The following SULT2A1 variants were observed in gnomAD, a reference collection of about 807,000 sequenced individuals.
SULT2A1 encodes sulfotransferase family 2A member 1, also known as sulfotransferase 2A1.
SULT2A1 carries 43 observed loss-of-function variants against 33.9 expected under a neutral mutation model. The ratio of observed to expected loss-of-function variants is 1.27; its 90% CI spans 1.00 to 1.64. The LOEUF (loss-of-function observed/expected upper bound fraction) is 1.64. Among genes scored for constraint, SULT2A1 ranks in the 40% most tolerant of loss-of-function variants. The pLI is 0.00. For missense variants in SULT2A1, 300 were observed against 335.1 expected (o/e 0.90, Z 0.82); for synonymous variants, 125 against 113.6 (o/e 1.10, Z -0.64).
At chr19:47,873,145 T>C (rs1968508875) in intron 5 of SULT2A1, among the ~76,000 whole-genome samples, 1 of 152,002 alleles carries the variant, frequency 6.6e-6, no homozygotes, top group African/African-American at 2.4e-5. Context: ...GTCCCAGATG[T>C]ATTAGAACTG....
chr19:47,872,158 T>C (rs1427382924), intron 5 of SULT2A1, among the ~76,000 whole-genome samples: 3 of 152,190 alleles, frequency 2.0e-5, no homozygotes, highest in Non-Finnish European at 4.4e-5. Flanking sequence ...CCTCAGGTGA[T>C]CCGCCCGCCT....
chr19:47,875,603 A>T (rs62531047), intron 4 of SULT2A1, among the ~76,000 whole-genome samples: 3,004 of 152,168 alleles, frequency 0.02, 86 homozygotes, highest in African/African-American at 0.069. Context: ...GCACCACTGT[A>T]CTCCAGCCTG....
rs1968491064 is a variant in SULT2A1, at chr19:47,871,403, G to A, written c.*52C>T. The A allele has an allele frequency of 7.4e-7, 1 of 1,343,752 alleles. No homozygotes were observed. The highest frequency in any genetic ancestry group is 1.1e-6 in the Non-Finnish European group (1 of 934,140). The allele number at this position is 1,343,752 out of a possible 1,614,324, so 83.2% of individuals were successfully genotyped here. On this transcript the variant is annotated 3_prime_UTR_variant, in exon 6 of 6. Transcript: ENST00000222002. ...TGACCCCAGTCAGGTACATGTACAA[G>A]GACAGGAGAATCAATGTCATTCTCC...
chr19:47,881,989 C>A, intron 3 of SULT2A1, 95 bp downstream of exon 3: 37 of 1,543,752 alleles, frequency 2.4e-5, no homozygotes, highest in Non-Finnish European at 3.2e-5. Flanking sequence ...AGCCTTTCAA[C>A]CCATGGGTTG....
chr19:47,874,675 C>T lies in SULT2A1; in HGVS notation c.727G>A (p.Ala243Thr). ...LLSVDYVVDK[A>T]QLLRKGVSGD... ...CTTTTACCTTTTCTCAGAAGTTGTG[C>T]TTTGTCCACTACATAATCAACACTC... Residue 243 changes from alanine (A) to threonine (T), a missense_variant, in exon 5 of 6, where the codon GCA becomes ACA. Ala to Thr is a moderately conservative substitution (Grantham distance 58). Coordinates refer to ENST00000222002, the MANE Select transcript of SULT2A1 (RefSeq NM_003167.4). 1.2e-6 allele frequency: 2 copies of T among 1,612,520 alleles called. No individual in the cohort carries two copies. Among genetic ancestry groups the T allele is most frequent in the East Asian group, 2.2e-5 (1 of 44,828 alleles).
intron 4 of SULT2A1, among the ~76,000 whole-genome samples, chr19:47,875,444 C>G (rs1039637088): frequency 3.3e-5 from 5 of 151,900 alleles, no homozygotes; most frequent in African/African-American, 1.2e-4. Context: ...TTTAGACCAG[C>G]CTGGGCGATA....
chr19:47,878,942 G>T, intron 4 of SULT2A1, 94 bp downstream of exon 4: 2 of 819,228 alleles, frequency 2.4e-6, no homozygotes, highest in Non-Finnish European at 2.1e-6. Flanking sequence ...TAACTGAGAG[G>T]GTGGAATGAA....
At chr19:47,871,791 GTA>G (rs1337910432) in intron 5 of SULT2A1, among the ~76,000 whole-genome samples, 1 of 152,058 alleles carries the variant, frequency 6.6e-6, no homozygotes, top group Admixed American at 6.6e-5. Context: ...AATAACGCCA[GTA>G]TATCATCTGA....
Position 47,882,124 on chromosome 19 carries a change from C to T in SULT2A1, c.432G>A (p.Lys144=). 1.2e-6 allele frequency: 2 copies of T among 1,614,008 alleles called. No homozygotes were observed. The highest frequency in any genetic ancestry group is 1.7e-6 in the Non-Finnish European group (2 of 1,179,996). ...WKNMKFIKKP[K]SWEEYFEWFC... is the part of the protein sequence containing the mutation. ...ACCATTCAAAATATTCTTCCCATGA[C>T]TTTGGTTTCTTAATAAACTTCATGT... The change falls in exon 3 of 6, where the codon AAG becomes AAA. Residue 144 remains lysine (K), a synonymous_variant. Transcript: ENST00000222002.
intron 4 of SULT2A1, among the ~76,000 whole-genome samples, chr19:47,876,592 A>G (rs62531012): frequency 1.8e-4 from 27 of 152,138 alleles, no homozygotes; most frequent in Admixed American, 1.7e-3. Context: ...CAACGTGGTG[A>G]AACCCCATCT....
At chr19:47,878,882 A>G (rs1968574472) in intron 4 of SULT2A1, among the ~76,000 whole-genome samples, 154 bp downstream of exon 4, 1 of 152,130 alleles carries the variant, frequency 6.6e-6, no homozygotes, top group Non-Finnish European at 1.5e-5. Flanking sequence ...AGGGCAATGA[A>G]GACCAGGGAG....
chr19:47,885,848 C>T (rs1320154292), intron 1 of SULT2A1, among the ~76,000 whole-genome samples: 2 of 152,138 alleles, frequency 1.3e-5, no homozygotes, highest in African/African-American at 4.8e-5. Flanking sequence ...CTCAGCCATC[C>T]TCCCTCCCAC....
chr19:47,886,145 A>C lies in SULT2A1; in HGVS notation c.113T>G (p.Ile38Arg), dbSNP rs1968654007. 6 of 1,614,040 alleles carry C rather than the reference A, an allele frequency of 3.7e-6. No individual in the cohort carries two copies. The highest frequency in any genetic ancestry group is 5.1e-6 in the Non-Finnish European group (6 of 1,179,984). Reference protein sequence around the residue: ...DEFVIRDEDVIILTYPKSGTN... With the variant: ...DEFVIRDEDVRILTYPKSGTN... Reference sequence around the variant, plus strand: ...ACCTGATTTGGGGTAAGTCAATATTATTACATCTTCATCCCTTATCACGAA... The same window carrying C: ...ACCTGATTTGGGGTAAGTCAATATTCTTACATCTTCATCCCTTATCACGAA... The change falls in exon 1 of 6, where the codon ATA becomes AGA. Residue 38 changes from isoleucine to arginine, a missense_variant. Physicochemically the swap from Ile to Arg is moderately conservative, Grantham distance 97. Transcript: ENST00000222002.
intron 1 of SULT2A1, among the ~76,000 whole-genome samples, chr19:47,884,328 C>T (rs1163628687): frequency 4.0e-5 from 6 of 151,276 alleles, no homozygotes; most frequent in East Asian, 4.0e-4. Context: ...CCCACCACCA[C>T]GTCTGGCTAA....
rs374538132 is a variant in SULT2A1 at position 47,873,785 on chromosome 19, G to A, written c.745+872C>T. ...ACCACAGGCACCCGCCACCATGCCC[G>A]GCTAATTTTTTGTATTTTTAGTGGA... On this transcript the variant is annotated intron_variant, in intron 5 of 5. Transcript: ENST00000222002. Among the ~76,000 whole-genome samples, 156 of 151,816 alleles carry A rather than the reference G, an allele frequency of 1.0e-3. 1 individual carries two copies. The East Asian group carries it at 0.02, about 19-fold the overall frequency.
rs774130328 is a variant in SULT2A1, at chr19:47,874,808, G to A, written c.594C>T (p.Ile198=). 71 of 1,613,964 alleles carry A rather than the reference G, an allele frequency of 4.4e-5. 1 individual carries two copies. Among genetic ancestry groups the A allele is most frequent in the Non-Finnish European group, 5.9e-5 (70 of 1,180,014 alleles). The stretch of plus-strand genomic sequence containing the variant: ...CTAACGTCTTTCCCAGGAATTGACA[G>A]ATCTTCTCTATGGTTCTTCCTGTGT... ...KQDTGRTIEK[I]CQFLGKTLEP... is the part of the protein sequence containing the mutation. Residue 198 remains isoleucine, a synonymous_variant, in exon 5 of 6, where the codon ATC becomes ATT. Transcript: ENST00000222002.
chr19:47,885,814 T>C (rs1968650730), intron 1 of SULT2A1, among the ~76,000 whole-genome samples: 2 of 152,178 alleles, frequency 1.3e-5, no homozygotes, highest in South Asian at 4.1e-4. Flanking sequence ...TGCTATTTCT[T>C]CTTTCAGGAC....
At chr19:47,875,300 A>T (rs1274627224) in intron 4 of SULT2A1, among the ~76,000 whole-genome samples, 2 of 151,986 alleles carry the variant, frequency 1.3e-5, no homozygotes, top group African/African-American at 4.8e-5. Flanking sequence ...ATTAGGAGAA[A>T]GAAAGAAAAA....
At chr19:47,883,464 C>A (rs1482803264) in intron 2 of SULT2A1, 113 bp downstream of exon 2, 3 of 1,085,662 alleles carry the variant, frequency 2.8e-6, no homozygotes, top group African/African-American at 3.1e-5. Context: ...CAGGTCTCAA[C>A]AACACAGACC....
Sources: gnomAD v4.1 joint callset for allele counts (sites outside exome capture counted in the v4.1 genomes callset) on GRCh38, gnomAD v4.1.1 for gene constraint, MANE v1.5 for transcripts, NCBI Gene and HGNC (gene_info 2026-07-23, HGNC 2026-07-21) for gene names.